SLC10A7: variants seen among roughly 807,000 people sequenced by gnomAD.
The protein encoded by SLC10A7 is sodium/bile acid cotransporter 7.
A neutral mutation model predicts 43.2 loss-of-function variants in SLC10A7; 29 were observed. The observed-to-expected ratio is 0.67, with a 90% CI of 0.50 to 0.92. SLC10A7 has a LOEUF of 0.92. Among genes scored for constraint, SLC10A7 ranks in the 40% least tolerant of loss-of-function variants. The pLI, the probability that SLC10A7 is intolerant of heterozygous loss-of-function variation, is 0.00. For missense variants in SLC10A7, 295 were observed against 403.2 expected, an observed-to-expected ratio of 0.73 and a Z score of 2.30; for synonymous variants, 152 against 144.8, an observed-to-expected ratio of 1.05 and a Z score of -0.35.
At chr4:146,474,488 T>G (rs898706698) in intron 4 of SLC10A7, among the ~76,000 whole-genome samples, 2 of 152,144 alleles carry the variant, frequency 1.3e-5, no homozygotes, top group East Asian at 3.8e-4. Flanking sequence ...CTTTTTAAAT[T>G]CCTTAAAGAG....
intron 2 of SLC10A7, among the ~76,000 whole-genome samples, chr4:146,513,041 T>C (rs968451909): frequency 6.6e-6 from 1 of 152,116 alleles, no homozygotes; most frequent in Non-Finnish European, 1.5e-5. Flanking sequence ...AAGTAGAATA[T>C]GCATGTGTAT....
intron 4 of SLC10A7, among the ~76,000 whole-genome samples, chr4:146,484,358 A>T (rs575988947): frequency 6.6e-6 from 1 of 152,162 alleles, no homozygotes; most frequent in Non-Finnish European, 1.5e-5. Flanking sequence ...TGTCTCTAAA[A>T]TTTTTTTTAA....
chr4:146,412,722 C>T (rs1286084102), intron 5 of SLC10A7, among the ~76,000 whole-genome samples: 4 of 152,020 alleles, frequency 2.6e-5, no homozygotes, highest in Non-Finnish European at 4.4e-5. Flanking sequence ...TTCTCTGATA[C>T]AAAAATTATC....
chr4:146,490,690 C>T (rs187287485), intron 4 of SLC10A7, among the ~76,000 whole-genome samples: 2 of 152,238 alleles, frequency 1.3e-5, no homozygotes, highest in Admixed American at 1.3e-4. Context: ...CCACAATAGG[C>T]TCTCTTAACT....
chr4:146,486,574 G>T (rs1363144907), intron 4 of SLC10A7, among the ~76,000 whole-genome samples: 1 of 152,158 alleles, frequency 6.6e-6, no homozygotes, highest in Admixed American at 6.5e-5. Flanking sequence ...TACAGTTCCA[G>T]ATGCCATTTT....
chr4:146,455,669 T>C (rs560493222), intron 4 of SLC10A7, among the ~76,000 whole-genome samples: 57 of 152,000 alleles, frequency 3.8e-4, no homozygotes, highest in African/African-American at 1.3e-3. Context: ...AGAACTGCAA[T>C]GGACTTCGCA....
At chr4:146,322,971 A>G (rs1732837070) in intron 6 of SLC10A7, among the ~76,000 whole-genome samples, 1 of 152,190 alleles carries the variant, frequency 6.6e-6, no homozygotes, top group South Asian at 2.1e-4. Context: ...TCTGATGGCC[A>G]GTGATGATGA....
intron 5 of SLC10A7, among the ~76,000 whole-genome samples, chr4:146,357,320 C>T (rs72952508): frequency 4.6e-5 from 7 of 152,186 alleles, no homozygotes; most frequent in African/African-American, 1.4e-4. Context: ...TTTTTGCACA[C>T]GGGAATGTGT....
At chr4:146,491,681 AAGGAAG>A (rs1416707924) in intron 4 of SLC10A7, among the ~76,000 whole-genome samples, 1 of 16,294 alleles carries the variant, frequency 6.1e-5, no homozygotes. Flanking sequence ...GGAGGAAGGG[AAGGAAG>A]GAAGGAAGGA....
intron 5 of SLC10A7, among the ~76,000 whole-genome samples, chr4:146,396,739 T>C (rs895274004): frequency 6.6e-6 from 1 of 151,910 alleles, no homozygotes; most frequent in Non-Finnish European, 1.5e-5. Context: ...GGATTATATA[T>C]ATTCAGAAAA....
intron 5 of SLC10A7, among the ~76,000 whole-genome samples, chr4:146,340,500 T>C (rs1407479353): frequency 2.0e-5 from 3 of 150,796 alleles, no homozygotes; most frequent in African/African-American, 7.4e-5. Flanking sequence ...TATACACATA[T>C]ACATATATAT....
intron 4 of SLC10A7, among the ~76,000 whole-genome samples, chr4:146,443,123 C>T (rs943692081): frequency 6.6e-6 from 1 of 152,058 alleles, no homozygotes; most frequent in Non-Finnish European, 1.5e-5. Flanking sequence ...GACCATGTTG[C>T]TATTGATTTT....
intron 2 of SLC10A7, among the ~76,000 whole-genome samples, chr4:146,515,377 C>T (rs1054903256): frequency 2.6e-5 from 4 of 152,110 alleles, no homozygotes; most frequent in African/African-American, 7.2e-5. Context: ...TCACTGTGCC[C>T]CACATTTGAG....
intron 5 of SLC10A7, among the ~76,000 whole-genome samples, chr4:146,346,942 G>GC (rs1734663979): frequency 6.6e-6 from 1 of 152,086 alleles, no homozygotes. Context: ...GATAAAGGTG[G>GC]CCTGGTCTCT....
At chr4:146,283,372 C>G (rs1729673716) in intron 9 of SLC10A7, 107 bp from the exon 10 acceptor site, 2 of 823,180 alleles carry the variant, frequency 2.4e-6, no homozygotes, top group South Asian at 3.1e-5. Flanking sequence ...TTTGATCAAT[C>G]CTGGTGACAG....
intron 4 of SLC10A7, among the ~76,000 whole-genome samples, chr4:146,502,619 TCAA>T (rs1240006849): frequency 2.6e-5 from 4 of 152,158 alleles, no homozygotes; most frequent in African/African-American, 9.7e-5. Flanking sequence ...CAAATTTCCA[TCAA>T]CAAGTGAATG....
chr4:146,344,882 C>A (rs1372575297), intron 5 of SLC10A7, among the ~76,000 whole-genome samples: 3 of 152,072 alleles, frequency 2.0e-5, no homozygotes, highest in Non-Finnish European at 4.4e-5. Context: ...AATTTTCCAG[C>A]TTTAATTTCA....
At position 146,339,808 on chromosome 4, in the gene SLC10A7, GT is replaced by G. The variant is rs376451032; in HGVS notation, c.436-13813del. Among the ~76,000 whole-genome samples the G allele has an allele frequency of 2.1e-3, 291 of 136,262 alleles. 4 individuals are homozygous for G. The South Asian group carries it at 0.031, about 15-fold the overall frequency. 89.4% of individuals were successfully genotyped at this position (136,262 alleles called of 152,430 possible). A position where few individuals can be genotyped will look rare whatever the true frequency, so the allele number is the denominator to read the frequency against. The stretch of plus-strand genomic sequence containing the variant: ...CTGCCTTTTTATAGTTTCATTTGTC[GT>G]TTTTTTTTTTTTAATTTTACTTTAA... On this transcript the variant is annotated intron_variant, in intron 5 of 11. Coordinates refer to ENST00000335472, the MANE Select transcript of SLC10A7 (RefSeq NM_001029998.6).
intron 10 of SLC10A7, among the ~76,000 whole-genome samples, chr4:146,280,509 T>A (rs1729481489): frequency 6.6e-6 from 1 of 152,080 alleles, no homozygotes; most frequent in Admixed American, 6.6e-5. Context: ...TAAACTGCTT[T>A]AAAAATATAA....
Sources: allele counts gnomAD v4.1 joint callset (sites outside exome capture counted in the v4.1 genomes callset), GRCh38; gene constraint gnomAD v4.1.1; transcripts MANE v1.5; gene names NCBI Gene and HGNC (gene_info 2026-07-23, HGNC 2026-07-21).